MEF2A: variants seen among roughly 807,000 people sequenced by gnomAD.
The protein encoded by MEF2A is myocyte enhancer factor 2A.
Under a neutral mutation model 55.8 loss-of-function variants are expected in MEF2A, and 28 were observed. The ratio of observed to expected loss-of-function variants is 0.50; its 90% CI spans 0.37 to 0.69. MEF2A has a LOEUF of 0.69. Ranked by LOEUF, MEF2A falls within the 30% of genes least tolerant of loss-of-function variation. The pLI, the probability that MEF2A is intolerant of heterozygous loss-of-function variation, is 0.00. For synonymous variants in MEF2A, 239 were observed against 227.1 expected, an observed-to-expected ratio of 1.05 and a Z score of -0.47; for missense variants, 528 against 626.2, an observed-to-expected ratio of 0.84 and a Z score of 1.67.
intron 2 of MEF2A, among the ~76,000 whole-genome samples, chr15:99,629,649 A>AG (rs2042619122): frequency 6.6e-6 from 1 of 152,102 alleles, no homozygotes. Flanking sequence ...CAAAGGCAAA[A>AG]GGAGAAAAAG....
At chr15:99,614,219 ATATT>A (rs2153223000) in intron 2 of MEF2A, among the ~76,000 whole-genome samples, 1 of 152,338 alleles carries the variant, frequency 6.6e-6, no homozygotes, top group East Asian at 1.9e-4. Flanking sequence ...TATTTAATAA[ATATT>A]AAGTTACCTT....
At chr15:99,700,401 A>G (rs577266186) in intron 8 of MEF2A, among the ~76,000 whole-genome samples, 3 of 151,734 alleles carry the variant, frequency 2.0e-5, no homozygotes, top group Non-Finnish European at 2.9e-5. Flanking sequence ...AGTCCCAGCT[A>G]CTTGGGAGGC....
chr15:99,669,511 T>C (rs2050437326), intron 4 of MEF2A, among the ~76,000 whole-genome samples: 2 of 152,174 alleles, frequency 1.3e-5, no homozygotes. Context: ...AACAGGACCT[T>C]TTATGGCCAA....
intron 2 of MEF2A, among the ~76,000 whole-genome samples, chr15:99,628,966 T>G: frequency 6.7e-6 from 1 of 150,208 alleles, no homozygotes; most frequent in South Asian, 2.1e-4. Flanking sequence ...CAGAAGGATT[T>G]TTTTTTTTTT....
At chr15:99,709,707 G>C (rs2058408951) in intron 10 of MEF2A, among the ~76,000 whole-genome samples, 2 of 152,328 alleles carry the variant, frequency 1.3e-5, no homozygotes, top group South Asian at 2.1e-4. Flanking sequence ...AAGTGTTAAT[G>C]ATGAGCTGAA....
At chr15:99,679,337 T>G (rs879768383) in intron 7 of MEF2A, among the ~76,000 whole-genome samples, 1 of 152,206 alleles carries the variant, frequency 6.6e-6, no homozygotes, top group Non-Finnish European at 1.5e-5. Context: ...CTGTCAACAG[T>G]AGAATGGATA....
chr15:99,573,055 G>A (rs572992763), intron 1 of MEF2A, among the ~76,000 whole-genome samples: 8 of 152,246 alleles, frequency 5.3e-5, no homozygotes, highest in East Asian at 3.9e-4. Context: ...TTGGGAGGCC[G>A]AGGCGGGCGA....
At chr15:99,601,955 T>G (rs1973230917) in intron 2 of MEF2A, among the ~76,000 whole-genome samples, 1 of 152,000 alleles carries the variant, frequency 6.6e-6, no homozygotes, top group Non-Finnish European at 1.5e-5. Flanking sequence ...TTGGTAGAAT[T>G]CACCAATGAA....
intron 7 of MEF2A, among the ~76,000 whole-genome samples, chr15:99,680,414 C>G (rs1342530841): frequency 6.6e-6 from 1 of 152,134 alleles, no homozygotes; most frequent in African/African-American, 2.4e-5. Flanking sequence ...ATATTCAGTG[C>G]TAATGAAGGC....
chr15:99,632,311 G>A (rs2043070525), intron 2 of MEF2A, among the ~76,000 whole-genome samples: 1 of 152,144 alleles, frequency 6.6e-6, no homozygotes, highest in Non-Finnish European at 1.5e-5. Flanking sequence ...CCAAAGGAAT[G>A]TTTCATTTAA....
At chr15:99,585,996 G>A (rs1967112072) in intron 1 of MEF2A, among the ~76,000 whole-genome samples, 1 of 151,904 alleles carries the variant, frequency 6.6e-6, no homozygotes, top group Non-Finnish European at 1.5e-5. Context: ...ATGTTTTCGT[G>A]ATTCATCTGT....
intron 10 of MEF2A, among the ~76,000 whole-genome samples, chr15:99,707,783 G>A (rs1222743572): frequency 1.3e-5 from 2 of 152,142 alleles, no homozygotes; most frequent in Non-Finnish European, 2.9e-5. Context: ...TGGTAAAGAT[G>A]GTCTGATTTT....
At chr15:99,608,004 A>G (rs1231127503) in intron 2 of MEF2A, among the ~76,000 whole-genome samples, 1 of 152,242 alleles carries the variant, frequency 6.6e-6, no homozygotes, top group East Asian at 1.9e-4. Context: ...AGTAGAAGAC[A>G]TGAATCACCG....
intron 3 of MEF2A, among the ~76,000 whole-genome samples, chr15:99,636,786 T>C (rs969098606): frequency 6.6e-6 from 1 of 151,220 alleles, no homozygotes; most frequent in African/African-American, 2.4e-5. Context: ...TCTTCTATGC[T>C]TTCTTCTGTA....
At position 99,715,373 on chromosome 15, in the gene MEF2A, A is replaced by G. The variant is rs2059054224; in HGVS notation, c.*2602A>G. On this transcript the variant is annotated 3_prime_UTR_variant, in exon 12 of 12. Coordinates refer to ENST00000557942, the MANE Select transcript of MEF2A (RefSeq NM_001319206.4). ...GTCTTTCTTTCTATGCAGGTTTATA[A>G]TCAGTACAACTACTGTTTTCTAAAA... is the stretch of plus-strand genomic sequence containing the variant. 1 of 152,224 alleles carries G rather than the reference A, an allele frequency of 6.6e-6. No individual in the cohort carries two copies. Among genetic ancestry groups the G allele is most frequent in the South Asian group, 2.1e-4 (1 of 4,832 alleles). The allele number at this position is 152,224 out of a possible 1,614,324, so 9.4% of individuals were successfully genotyped here. A position where few individuals can be genotyped will look rare whatever the true frequency, so the allele number is the denominator to read the frequency against.
At chr15:99,675,175 A>G (rs1390762772) in intron 6 of MEF2A, among the ~76,000 whole-genome samples, 6 of 152,190 alleles carry the variant, frequency 3.9e-5, no homozygotes, top group Non-Finnish European at 8.8e-5. Flanking sequence ...ACTATTTGGT[A>G]TTGAAGGCGA....
chr15:99,635,748 T>C (rs900768982), intron 3 of MEF2A, among the ~76,000 whole-genome samples: 3 of 152,220 alleles, frequency 2.0e-5, no homozygotes, highest in South Asian at 2.1e-4. Context: ...CATGTAGATA[T>C]ATGTAAGTAT....
intron 2 of MEF2A, among the ~76,000 whole-genome samples, chr15:99,603,479 C>G (rs1974015801): frequency 6.6e-6 from 1 of 150,884 alleles, no homozygotes. Flanking sequence ...TACAAGCAAT[C>G]CTGTGACCTC....
chr15:99,712,545 C>CACCACCGCAGCCCCAGCCACA lies in MEF2A; in HGVS notation c.1296_1316dup (p.Gln438_Pro444dup). 1.3e-6 allele frequency: 2 copies of CACCACCGCAGCCCCAGCCACA among 1,550,688 alleles called. No homozygotes were observed. The highest frequency in any genetic ancestry group is 1.7e-6 in the Non-Finnish European group (2 of 1,146,618). On this transcript the variant is annotated inframe_insertion, in exon 12 of 12. Coordinates refer to ENST00000557942, the MANE Select transcript of MEF2A (RefSeq NM_001319206.4). The surrounding 1 kb of genome is among the most constrained non-coding windows in gnomAD (Gnocchi z 4.1). ...CAGCAGCAGCAGCAGCAGCCGCCGC[C>CACCACCGCAGCCCCAGCCACA]ACCACCGCAGCCCCAGCCACAACCC...
Sources: gnomAD v4.1 joint callset for allele counts (sites outside exome capture counted in the v4.1 genomes callset) on GRCh38, gnomAD v4.1.1 for gene constraint, Gnocchi (gnomAD v3.1) non-coding constraint, MANE v1.5 for transcripts, NCBI Gene and HGNC (gene_info 2026-07-23, HGNC 2026-07-21) for gene names.